The following FBP2 variants were observed in gnomAD, a reference collection of about 807,000 sequenced individuals.
FBP2 encodes the protein fructose-bisphosphatase 2.
Under a neutral mutation model 31.6 loss-of-function variants are expected in FBP2, and 27 were observed. The observed-to-expected ratio is 0.85, with a 90% confidence interval of 0.63 to 1.18. The LOEUF (loss-of-function observed/expected upper bound fraction) is 1.18. Among genes scored for constraint, FBP2 ranks in the 50% most tolerant of loss-of-function variants. FBP2 has a pLI of 0.00. For synonymous variants in FBP2, 168 were observed against 179.8 expected (o/e 0.93, Z 0.53); for missense variants, 421 against 436.1 (o/e 0.97, Z 0.31).
intron 5 of FBP2, among the ~76,000 whole-genome samples, chr9:94,566,444 A>G (rs899180670): frequency 3.3e-5 from 5 of 152,266 alleles, no homozygotes; most frequent in Middle Eastern, 3.2e-3. Flanking sequence ...AACCAGCCCA[A>G]CCTATTCCTT....
chr9:94,566,692 C>T (rs1827194618), intron 5 of FBP2, among the ~76,000 whole-genome samples: 1 of 152,156 alleles, frequency 6.6e-6, no homozygotes, highest in Non-Finnish European at 1.5e-5. Context: ...CTTGGCAGGG[C>T]ACCCATTTTT....
At chr9:94,582,850 C>CTTTTT (rs1174064928) in intron 3 of FBP2, among the ~76,000 whole-genome samples, 3 of 107,550 alleles carry the variant, frequency 2.8e-5, no homozygotes, top group Non-Finnish European at 3.7e-5. Context: ...TCCCAGCCCC[C>CTTTTT]TTTTTTTTTT....
intron 3 of FBP2, among the ~76,000 whole-genome samples, chr9:94,579,266 C>T (rs1439600528): frequency 6.7e-6 from 1 of 149,192 alleles, no homozygotes; most frequent in African/African-American, 2.5e-5. Context: ...GGCGTGGTGC[C>T]GGGCGCCTGT....
In FBP2 at chr9:94,590,959, C is replaced by G. The variant is rs554766412; in HGVS notation, c.170+2598G>C. Among the ~76,000 whole-genome samples the G allele has an allele frequency of 1.4e-4, 21 of 152,182 alleles. No homozygotes were observed. In the South Asian group the frequency reaches 4.4e-3, roughly 32 times the overall value. On this transcript the variant is annotated intron_variant, in intron 1 of 6. Transcript: ENST00000375337. Reference sequence around the variant, plus strand: ...ACCAGAGCAGCTAGATACAGAGTGTCGATTGGTGCACTCACAAACCTTGAG... The same window carrying G: ...ACCAGAGCAGCTAGATACAGAGTGTGGATTGGTGCACTCACAAACCTTGAG...
At chr9:94,561,308 C>G (rs1827095706) in intron 6 of FBP2, among the ~76,000 whole-genome samples, 1 of 146,910 alleles carries the variant, frequency 6.8e-6, no homozygotes, top group Non-Finnish European at 1.5e-5. Flanking sequence ...ATGCCCAGGG[C>G]TTCATGGCAC....
At chr9:94,579,628 A>C (rs915884840) in intron 3 of FBP2, among the ~76,000 whole-genome samples, 2 of 152,168 alleles carry the variant, frequency 1.3e-5, no homozygotes, top group African/African-American at 4.8e-5. Flanking sequence ...GTTTAAAGCA[A>C]GGTTGTCTGT....
intron 3 of FBP2, among the ~76,000 whole-genome samples, chr9:94,581,228 G>A (rs1166263187): frequency 2.0e-5 from 3 of 152,142 alleles, no homozygotes; most frequent in African/African-American, 7.2e-5. Context: ...AGTGGAAGAA[G>A]TGAGCGTCTG....
At chr9:94,586,165 C>A (rs1231348901) in intron 2 of FBP2, among the ~76,000 whole-genome samples, 5 of 152,118 alleles carry the variant, frequency 3.3e-5, no homozygotes, top group Admixed American at 6.5e-5. Flanking sequence ...CACCTGAGGT[C>A]AGAGTTCAAG....
At chr9:94,577,480 T>C (rs1827326862) in intron 3 of FBP2, 1 of 152,216 alleles carries the variant, frequency 6.6e-6, no homozygotes, top group Non-Finnish European at 1.5e-5. Flanking sequence ...TGGAGTTAAG[T>C]AGAATCTTCT....
At chr9:94,565,217 T>C (rs1322184752) in intron 5 of FBP2, among the ~76,000 whole-genome samples, 1 of 151,880 alleles carries the variant, frequency 6.6e-6, no homozygotes, top group African/African-American at 2.4e-5. Context: ...CTACTAAAAA[T>C]ACAAAATATT....
chr9:94,591,262 C>T (rs1827498028), intron 1 of FBP2, among the ~76,000 whole-genome samples: 3 of 152,192 alleles, frequency 2.0e-5, no homozygotes, highest in Admixed American at 6.5e-5. Flanking sequence ...TCAGGCATGG[C>T]GGGCTGCAGG....
intron 1 of FBP2, 36 bp from the exon 2 acceptor site, chr9:94,587,505 G>C: frequency 1.2e-6 from 2 of 1,608,378 alleles, no homozygotes; most frequent in Non-Finnish European, 1.7e-6. Flanking sequence ...GAAGTCACTA[G>C]GGGGTCTTAA....
chr9:94,583,598 G>T (rs913677570), intron 3 of FBP2, among the ~76,000 whole-genome samples: 1 of 152,064 alleles, frequency 6.6e-6, no homozygotes. Context: ...TTTTCTCTTT[G>T]GTTGCTATGG....
chr9:94,559,288 G>T, intron 6 of FBP2, 156 bp from the exon 7 acceptor site: 1 of 650,304 alleles, frequency 1.5e-6, no homozygotes, highest in Non-Finnish European at 2.6e-6. Flanking sequence ...GAGCTTTAGA[G>T]CCTACAGCAG....
intron 3 of FBP2, among the ~76,000 whole-genome samples, chr9:94,573,548 T>A (rs1827289786): frequency 6.6e-6 from 1 of 152,224 alleles, no homozygotes; most frequent in Non-Finnish European, 1.5e-5. Flanking sequence ...GAGTGTTGAA[T>A]TTGTTCAAAT....
In FBP2 at chr9:94,572,721, CAT is replaced by C. The variant is rs547877262; in HGVS notation, c.427-1121_427-1120del. Among the ~76,000 whole-genome samples the C allele has an allele frequency of 2.5e-3, 382 of 152,276 alleles. 2 individuals carry two copies. Among genetic ancestry groups the C allele is most frequent in the African/African-American group, 8.4e-3 (348 of 41,572 alleles). On this transcript the variant is annotated intron_variant, in intron 3 of 6. Transcript: ENST00000375337. Reference sequence around the variant, plus strand: ...AATTCACACACACACACAACACACACATGAGTTTACACACACACATATATACA... The same window carrying C: ...AATTCACACACACACACAACACACACGAGTTTACACACACACATATATACA...
At chr9:94,578,687 C>T (rs561470473) in intron 3 of FBP2, among the ~76,000 whole-genome samples, 18 of 152,166 alleles carry the variant, frequency 1.2e-4, no homozygotes, top group Middle Eastern at 3.4e-3. Context: ...TAAGTTTCCA[C>T]TAAAATTTAA....
intron 2 of FBP2, among the ~76,000 whole-genome samples, chr9:94,585,638 G>A (rs975396536): frequency 1.3e-5 from 2 of 152,156 alleles, no homozygotes; most frequent in African/African-American, 4.8e-5. Flanking sequence ...TTTTTGTTTT[G>A]TTTTGACAGA....
chr9:94,583,560 A>G (rs1827393848), intron 3 of FBP2, among the ~76,000 whole-genome samples: 1 of 152,122 alleles, frequency 6.6e-6, no homozygotes, highest in Non-Finnish European at 1.5e-5. Flanking sequence ...AAGACTCTCA[A>G]ATACAATGTA....
Sources: allele counts gnomAD v4.1 joint callset (sites outside exome capture counted in the v4.1 genomes callset), GRCh38; gene constraint gnomAD v4.1.1; transcripts MANE v1.5; gene names NCBI Gene and HGNC (gene_info 2026-07-23, HGNC 2026-07-21).